The following ZC3H12C variants were observed in gnomAD, a reference collection of about 807,000 sequenced individuals.
The protein encoded by ZC3H12C is probable ribonuclease ZC3H12C.
A neutral mutation model predicts 76.3 loss-of-function variants in ZC3H12C; 20 were observed. The observed-to-expected ratio is 0.26, with a 90% CI of 0.18 to 0.38. ZC3H12C has a LOEUF of 0.38. Ranked by LOEUF, ZC3H12C falls within the 10% of genes least tolerant of loss-of-function variation. The pLI is 1.00. For synonymous variants in ZC3H12C, 352 were observed against 399.6 expected (o/e 0.88, Z 1.42); for missense variants, 874 against 1,086.5 (o/e 0.80, Z 2.75).
In ZC3H12C at chr11:110,169,683, A is replaced by C. The variant is rs1862642300; in HGVS notation, c.*3946A>C. 1 of 152,226 alleles carries C rather than the reference A, an allele frequency of 6.6e-6. No homozygotes were observed. Among genetic ancestry groups the C allele is most frequent in the Admixed American group, 6.5e-5 (1 of 15,284 alleles). 9.4% of individuals were successfully genotyped at this position (152,226 alleles called of 1,614,324 possible). ...TTCCAAGGTATACACCAACAAATAA[A>C]ATGAGGTATTAAAAAGAGATGGATT... On this transcript the variant is annotated 3_prime_UTR_variant, in exon 6 of 6. Transcript: ENST00000278590.
In ZC3H12C at chr11:110,117,976, T is replaced by C. The variant is rs1422783735; in HGVS notation, c.22-18687T>C. ...ACACACACATATATACACACACATA[T>C]ATATTATATATATACACACATATAT... On this transcript the variant is annotated intron_variant, in intron 1 of 5. Coordinates refer to ENST00000278590, the MANE Select transcript of ZC3H12C (RefSeq NM_033390.2). Among the ~76,000 whole-genome samples the C allele has an allele frequency of 1.1e-4, 12 of 108,278 alleles. 2 individuals carry two copies. The highest frequency in any genetic ancestry group is 1.8e-4 in the Non-Finnish European group (10 of 56,634). 71.0% of individuals were successfully genotyped at this position (108,278 alleles called of 152,430 possible).
rs911730057 is a variant in ZC3H12C, at chr11:110,161,810, T to G, written c.1149-1463T>G. Among the ~76,000 whole-genome samples the G allele has an allele frequency of 3.9e-5, 6 of 152,216 alleles. No individual in the cohort carries two copies. The East Asian group carries it at 1.2e-3, about 29-fold the overall frequency. On this transcript the variant is annotated intron_variant, in intron 4 of 5. Transcript: ENST00000278590. ...TTATGATACATCTCCTACTGGAATA[T>G]TATTCAGCTCTTCAGAGTTCTTATG...
At chr11:110,138,510 C>T (rs543437085) in intron 2 of ZC3H12C, among the ~76,000 whole-genome samples, 8 of 151,136 alleles carry the variant, frequency 5.3e-5, no homozygotes, top group African/African-American at 9.7e-5. Flanking sequence ...AATATCTTGC[C>T]GACATGTAAT....
At chr11:110,153,602 A>C (rs1008923964) in intron 3 of ZC3H12C, among the ~76,000 whole-genome samples, 3 of 151,990 alleles carry the variant, frequency 2.0e-5, no homozygotes, top group African/African-American at 7.3e-5. Context: ...AAATTTTGTG[A>C]AATTCTGACC....
intron 1 of ZC3H12C, among the ~76,000 whole-genome samples, chr11:110,098,741 G>GGTATA (rs1861160286): frequency 6.6e-6 from 1 of 152,184 alleles, no homozygotes; most frequent in Admixed American, 6.5e-5. Context: ...CAGAGCCATA[G>GGTATA]GCTATACCAT....
In ZC3H12C at chr11:110,155,284, G is replaced by A. The variant is rs1000797196; in HGVS notation, c.913+2226G>A. 2.9e-5 allele frequency among the ~76,000 whole-genome samples: 4 copies of A among 137,900 alleles called. No individual in the cohort carries two copies. The East Asian group carries it at 8.4e-4, about 29-fold the overall frequency. 90.5% of individuals were successfully genotyped at this position (137,900 alleles called of 152,430 possible). The stretch of plus-strand genomic sequence containing the variant: ...ACTGCACTCCAGCCTGGGCAACTGA[G>A]CAAGACTCCATCTCAAAAAAAAAAA... On this transcript the variant is annotated intron_variant, in intron 3 of 5. Coordinates refer to ENST00000278590, the MANE Select transcript of ZC3H12C (RefSeq NM_033390.2).
intron 1 of ZC3H12C, among the ~76,000 whole-genome samples, chr11:110,097,795 A>G (rs1319200359): frequency 6.6e-6 from 1 of 152,214 alleles, no homozygotes. Context: ...ACAGTGGTGC[A>G]TAAGATTATA....
intron 1 of ZC3H12C, among the ~76,000 whole-genome samples, chr11:110,101,969 T>C (rs962052718): frequency 5.9e-5 from 9 of 152,002 alleles, no homozygotes; most frequent in Admixed American, 3.3e-4. Context: ...TGTTGAGACT[T>C]ACTGCTCAGA....
chr11:110,118,064 C>T (rs1342681545), intron 1 of ZC3H12C, among the ~76,000 whole-genome samples: 2 of 81,548 alleles, frequency 2.5e-5, no homozygotes, highest in Admixed American at 1.4e-4. Flanking sequence ...TATATATATA[C>T]ACACACACAT....
In ZC3H12C at chr11:110,106,127, G is replaced by T. The variant is rs1270532564; in HGVS notation, c.21+12695G>T. On this transcript the variant is annotated intron_variant, in intron 1 of 5. Transcript: ENST00000278590. Reference sequence around the variant, plus strand: ...ACTAAAAATACAAAAAATTAGCCGGGCGTGGTAGCAGGCGCCTGTAGTCCC... The same window carrying T: ...ACTAAAAATACAAAAAATTAGCCGGTCGTGGTAGCAGGCGCCTGTAGTCCC... Among the ~76,000 whole-genome samples the T allele has an allele frequency of 2.7e-4, 18 of 67,716 alleles. 7 individuals are homozygous for T. Among genetic ancestry groups the T allele is most frequent in the African/African-American group, 1.1e-3 (18 of 16,214 alleles). The allele number at this position is 67,716 out of a possible 152,430, so 44.4% of individuals were successfully genotyped here.
At chr11:110,113,922 G>C (rs895439208) in intron 1 of ZC3H12C, among the ~76,000 whole-genome samples, 2 of 152,048 alleles carry the variant, frequency 1.3e-5, no homozygotes, top group Non-Finnish European at 2.9e-5. Flanking sequence ...AATACAGCTG[G>C]AGTTGTCATC....
intron 1 of ZC3H12C, among the ~76,000 whole-genome samples, chr11:110,100,568 C>A (rs192674240): frequency 6.6e-6 from 1 of 152,088 alleles, no homozygotes; most frequent in African/African-American, 2.4e-5. Context: ...TGCTGGGTCA[C>A]GTCGTGGTAG....
intron 3 of ZC3H12C, among the ~76,000 whole-genome samples, chr11:110,156,070 A>G (rs1359803471): frequency 2.0e-5 from 2 of 102,146 alleles, no homozygotes; most frequent in Non-Finnish European, 4.5e-5. Flanking sequence ...GGAACACATC[A>G]GTATGCAGAT....
chr11:110,148,011 T>C (rs1862201625), intron 2 of ZC3H12C, among the ~76,000 whole-genome samples: 1 of 152,152 alleles, frequency 6.6e-6, no homozygotes, highest in Non-Finnish European at 1.5e-5. Context: ...TTCTAGGACC[T>C]AGATAGAGGC....
At chr11:110,113,000 T>C (rs61900162) in intron 1 of ZC3H12C, among the ~76,000 whole-genome samples, 857 of 15,912 alleles carry the variant, frequency 0.054, 8 homozygotes, top group African/African-American at 0.14. Context: ...CGCCCCCCCC[T>C]ACCAAAAAAA....
At chr11:110,141,963 A>G (rs576049562) in intron 2 of ZC3H12C, among the ~76,000 whole-genome samples, 17 of 152,306 alleles carry the variant, frequency 1.1e-4, no homozygotes, top group African/African-American at 4.1e-4. Flanking sequence ...ATAGCCTCTC[A>G]GTAGACTGTT....
intron 1 of ZC3H12C, among the ~76,000 whole-genome samples, chr11:110,127,127 C>T (rs1306023749): frequency 1.3e-5 from 2 of 152,166 alleles, no homozygotes; most frequent in African/African-American, 4.8e-5. Context: ...GAATGTCTAA[C>T]GCTTTCAACA....
intron 1 of ZC3H12C, among the ~76,000 whole-genome samples, chr11:110,097,840 CAT>C (rs1472993185): frequency 6.6e-6 from 1 of 152,172 alleles, no homozygotes; most frequent in Non-Finnish European, 1.5e-5. Context: ...CTAGTGATGT[CAT>C]AGCCATCTCC....
intron 1 of ZC3H12C, among the ~76,000 whole-genome samples, chr11:110,098,507 C>T (rs981368606): frequency 1.3e-5 from 2 of 152,154 alleles, no homozygotes; most frequent in Admixed American, 1.3e-4. Context: ...ACACTAATAT[C>T]CTAGGCCTTC....
Sources: allele counts gnomAD v4.1 joint callset (sites outside exome capture counted in the v4.1 genomes callset), GRCh38; gene constraint gnomAD v4.1.1; transcripts MANE v1.5; gene names NCBI Gene and HGNC (gene_info 2026-07-23, HGNC 2026-07-21).